CNBD1: variants seen among roughly 807,000 people sequenced by gnomAD.
CNBD1 encodes cyclic nucleotide-binding domain-containing protein 1.
CNBD1 carries 71 observed loss-of-function variants against 54.4 expected under a neutral mutation model. That is an observed-to-expected ratio of 1.30 (90% CI 1.08 to 1.59). The LOEUF (loss-of-function observed/expected upper bound fraction) is 1.59, where lower values mean the gene tolerates loss of function less well. Ranked by LOEUF, CNBD1 falls within the 40% of genes most tolerant of loss-of-function variation. The pLI, the probability that CNBD1 is intolerant of heterozygous loss-of-function variation, is 0.00. For missense variants in CNBD1, 659 were observed against 518.0 expected (o/e 1.27, Z -2.64); for synonymous variants, 182 against 170.7 (o/e 1.07, Z -0.51).
intron 4 of CNBD1, among the ~76,000 whole-genome samples, chr8:87,029,198 A>G (rs1235053023): frequency 6.6e-6 from 1 of 152,004 alleles, no homozygotes; most frequent in African/African-American, 2.4e-5. Context: ...CCTCATTTTT[A>G]CTCTCCATTT....
chr8:87,393,846 T>G (rs1321395479), intron 2 of CNBD1, among the ~76,000 whole-genome samples: 1 of 151,654 alleles, frequency 6.6e-6, no homozygotes, highest in African/African-American at 2.4e-5. Context: ...AGACAGGTAA[T>G]CAAAACTGGA....
At chr8:86,878,693 C>T (rs767460590) in intron 1 of CNBD1, among the ~76,000 whole-genome samples, 1 of 152,112 alleles carries the variant, frequency 6.6e-6, no homozygotes, top group African/African-American at 2.4e-5. Context: ...CTTCCCATTT[C>T]AAGTAAGGTT....
intron 4 of CNBD1, among the ~76,000 whole-genome samples, chr8:86,950,092 C>T (rs1295157660): frequency 1.9e-5 from 2 of 105,972 alleles, no homozygotes; most frequent in Admixed American, 2.9e-4. Flanking sequence ...GATGGAGTCT[C>T]GCTCTGTCCC....
chr8:87,343,870 A>AT lies in CNBD1; in HGVS notation c.1043-7808dup, dbSNP rs146637489. 9.6e-3 allele frequency among the ~76,000 whole-genome samples: 1,467 copies of AT among 152,090 alleles called. 21 individuals are homozygous for AT. Among genetic ancestry groups the AT allele is most frequent in the African/African-American group, 0.032 (1,346 of 41,510 alleles). The stretch of plus-strand genomic sequence containing the variant: ...ATATAAATATGTAGATATTTACCTG[A>AT]TTTTTTTCCTAAGAAAATTTTGTAC... On this transcript the variant is annotated intron_variant, in intron 8 of 10. Coordinates refer to ENST00000518476, the MANE Select transcript of CNBD1 (RefSeq NM_173538.3).
chr8:87,041,143 T>C (rs964317679), intron 4 of CNBD1, among the ~76,000 whole-genome samples: 7 of 151,906 alleles, frequency 4.6e-5, no homozygotes, highest in Non-Finnish European at 1.0e-4. Context: ...GGTATGTAAA[T>C]AGAAAATAGT....
chr8:86,922,829 C>A (rs945028904), intron 3 of CNBD1, among the ~76,000 whole-genome samples: 24 of 151,916 alleles, frequency 1.6e-4, no homozygotes, highest in African/African-American at 4.1e-4. Context: ...AATTTAGAGT[C>A]ACGGAGCAAC....
chr8:87,018,759 G>A (rs1024774537), intron 4 of CNBD1, among the ~76,000 whole-genome samples: 2 of 152,124 alleles, frequency 1.3e-5, no homozygotes, highest in East Asian at 3.8e-4. Context: ...AACTATACAA[G>A]CCGCCTCCCT....
At position 87,236,978 on chromosome 8, in the gene CNBD1, G is replaced by A. The variant is rs370736889; in HGVS notation, c.637G>A (p.Val213Met). 4.3e-6 allele frequency: 7 copies of A among 1,611,956 alleles called. No individual in the cohort carries two copies. Among genetic ancestry groups the A allele is most frequent in the African/African-American group, 4.0e-5 (3 of 74,766 alleles). Residue 213 changes from valine to methionine, a missense_variant, in exon 6 of 11, where the codon GTG (valine) becomes ATG (methionine). Transcript: ENST00000518476. ...LKGLARPQTN[V>M]YKNLIEGSDS... ...AGGCCTAGCTCGACCTCAAACAAAC[G>A]TGTATAAAAATCTGATTGAAGGAAG...
chr8:87,024,255 A>G (rs909080656), intron 4 of CNBD1, among the ~76,000 whole-genome samples: 3 of 151,368 alleles, frequency 2.0e-5, no homozygotes, highest in African/African-American at 7.3e-5. Context: ...AAAGAAAAAA[A>G]AAAAAAAAAG....
At chr8:87,110,174 A>G (rs1196542040) in intron 4 of CNBD1, among the ~76,000 whole-genome samples, 2 of 152,208 alleles carry the variant, frequency 1.3e-5, no homozygotes, top group Non-Finnish European at 2.9e-5. Context: ...GCTATGATGC[A>G]GAAACAGTGC....
chr8:87,406,642 T>C (rs889071333), intron 2 of CNBD1, among the ~76,000 whole-genome samples: 1 of 151,802 alleles, frequency 6.6e-6, no homozygotes, highest in African/African-American at 2.4e-5. Context: ...ACCACGCCCA[T>C]CTAATTTTTG....
rs1378829614 is a variant in CNBD1 at position 86,939,688 on chromosome 8, A to G, written c.365A>G (p.His122Arg). Residue 122 changes from histidine (H) to arginine (R), a missense_variant, in exon 4 of 11, where the codon CAT (histidine) becomes CGT (arginine). By Grantham distance (29) the His-to-Arg change is conservative. Coordinates refer to ENST00000518476, the MANE Select transcript of CNBD1 (RefSeq NM_173538.3). ...CATGTTCAGAGAGCACATGGTGGCC[A>G]TATTTTATATAGACCAAAAAGAGCC... ...AVHVQRAHGG[H>R]ILYRPKRATE... 6.2e-7 allele frequency: 1 copy of G among 1,604,102 alleles called. No individual in the cohort carries two copies. Among genetic ancestry groups the G allele is most frequent in the South Asian group, 1.1e-5 (1 of 89,444 alleles).
At chr8:87,137,024 T>C (rs1812259019) in intron 4 of CNBD1, among the ~76,000 whole-genome samples, 1 of 109,660 alleles carries the variant, frequency 9.1e-6, no homozygotes, top group Non-Finnish European at 1.7e-5. Context: ...AAATTATATA[T>C]ATTATATTTA....
intron 10 of CNBD1, among the ~76,000 whole-genome samples, chr8:87,368,523 A>G (rs1380411819): frequency 6.6e-6 from 1 of 151,772 alleles, no homozygotes; most frequent in Non-Finnish European, 1.5e-5. Context: ...CTGTAGTCCC[A>G]GCTACTTGGT....
chr8:86,991,585 C>A (rs977286757), intron 4 of CNBD1, among the ~76,000 whole-genome samples: 1 of 152,026 alleles, frequency 6.6e-6, no homozygotes, highest in Non-Finnish European at 1.5e-5. Flanking sequence ...TTTCCCCCTC[C>A]AGTTCTTCTA....
chr8:87,391,852 A>G (rs1005069349), intron 2 of CNBD1, among the ~76,000 whole-genome samples: 3 of 152,086 alleles, frequency 2.0e-5, no homozygotes, highest in Non-Finnish European at 4.4e-5. Flanking sequence ...CCTTCATAAA[A>G]ATCAAAAACT....
chr8:86,878,503 C>A (rs1808559226), intron 1 of CNBD1, among the ~76,000 whole-genome samples: 1 of 151,840 alleles, frequency 6.6e-6, no homozygotes, highest in East Asian at 1.9e-4. Context: ...TATTTCTTTT[C>A]AGTGACTGAG....
chr8:87,101,799 G>A (rs1263745924), intron 4 of CNBD1, among the ~76,000 whole-genome samples: 1 of 151,946 alleles, frequency 6.6e-6, no homozygotes, highest in Non-Finnish European at 1.5e-5. Flanking sequence ...AGAAATCAAG[G>A]TAATCATAGA....
intron 1 of CNBD1, among the ~76,000 whole-genome samples, chr8:86,882,457 C>G (rs1232997007): frequency 6.6e-6 from 1 of 152,014 alleles, no homozygotes; most frequent in Non-Finnish European, 1.5e-5. Context: ...AAATGCAAAT[C>G]AAACCACTGA....
Sources: gnomAD v4.1 joint callset for allele counts (sites outside exome capture counted in the v4.1 genomes callset) on GRCh38, gnomAD v4.1.1 for gene constraint, MANE v1.5 for transcripts, NCBI Gene and HGNC (gene_info 2026-07-23, HGNC 2026-07-21) for gene names.